The following ZNF207 variants were observed in gnomAD, a reference collection of about 807,000 sequenced individuals.
ZNF207 encodes zinc finger protein 207.
ZNF207 carries 24 observed loss-of-function variants against 60.2 expected under a neutral mutation model. That is an observed-to-expected ratio of 0.40 (90% CI 0.29 to 0.56). The LOEUF is 0.56. Ranked by LOEUF, ZNF207 falls within the 20% of genes least tolerant of loss-of-function variation. The probability of loss-of-function intolerance (pLI) is 0.49; values close to 1 mark genes in which losing one functional copy is unlikely to be tolerated. For missense variants in ZNF207, 452 were observed against 636.6 expected, an observed-to-expected ratio of 0.71 and a Z score of 3.12; for synonymous variants, 236 against 194.7, an observed-to-expected ratio of 1.21 and a Z score of -1.77.
intron 1 of ZNF207, chr17:32,351,488 A>G (rs2041506267): frequency 3.4e-6 from 5 of 1,474,238 alleles, no homozygotes; most frequent in Non-Finnish European, 4.5e-6. Context: ...ATGTTGAAAT[A>G]TTTATAACAA....
chr17:32,366,597 T>G, intron 8 of ZNF207, 68 bp from the exon 9 acceptor site: 1 of 1,337,328 alleles, frequency 7.5e-7, no homozygotes, highest in Non-Finnish European at 1.0e-6. Context: ...CTAAAAAGTC[T>G]ACCACATGGC....
chr17:32,366,588 T>C (rs1290067624), intron 8 of ZNF207, 77 bp from the exon 9 acceptor site: 17 of 1,240,802 alleles, frequency 1.4e-5, no homozygotes, highest in Non-Finnish European at 1.5e-5. Context: ...TGCAATCTAC[T>C]AAAAAGTCTA....
In ZNF207 at chr17:32,377,085, G is replaced by T. The variant is rs1295741158; in HGVS notation, c.*7326G>T. The T allele has an allele frequency of 6.6e-6, 1 of 152,008 alleles. No homozygotes were observed. The highest frequency in any genetic ancestry group is 1.5e-5 in the Non-Finnish European group (1 of 67,900). The allele number at this position is 152,008 out of a possible 1,614,324, so 9.4% of individuals were successfully genotyped here. A position where few individuals can be genotyped will look rare whatever the true frequency, so the allele number is the denominator to read the frequency against. ...GCCAACTTGGATAAAAATGAAGAAT[G>T]ATATTTTCCCAGTTTACTACACATG... On this transcript the variant is annotated 3_prime_UTR_variant, in exon 12 of 12. Transcript: ENST00000394670.
Position 32,366,633 on chromosome 17 carries a change from C to T in ZNF207, c.829-32C>T, listed in dbSNP as rs569257854. On this transcript the variant is annotated intron_variant, in intron 8 of 11. Transcript: ENST00000394670. ...TTATTTTGACCCATTTGTTTGGAGA[C>T]TTTTCATTGTTTCCTTTCTTTTATG... 74 of 1,571,588 alleles carry T rather than the reference C, an allele frequency of 4.7e-5. 1 individual carries two copies. The South Asian group carries it at 8.6e-4, about 18-fold the overall frequency.
In ZNF207 at chr17:32,357,351, A is replaced by ATTTTTTTT. The variant is rs1164011891; in HGVS notation, c.169-1144_169-1137dup. 5.1e-3 allele frequency among the ~76,000 whole-genome samples: 379 copies of ATTTTTTTT among 73,958 alleles called. 13 individuals carry two copies. The highest frequency in any genetic ancestry group is 0.021 in the African/African-American group (368 of 17,728). 48.5% of individuals were successfully genotyped at this position (73,958 alleles called of 152,430 possible). ...TATTATTATTATTATTATTATTATT[A>ATTTTTTTT]TTTTTTTTTTTTTTTGAGACAGAAT... On this transcript the variant is annotated intron_variant, in intron 2 of 11. Transcript: ENST00000394670.
intron 3 of ZNF207, among the ~76,000 whole-genome samples, chr17:32,359,939 T>A (rs1490374393): frequency 6.6e-6 from 1 of 152,076 alleles, no homozygotes; most frequent in African/African-American, 2.4e-5. Flanking sequence ...GAATGGTAGA[T>A]GATAGATTTA....
chr17:32,369,652 C>T lies in ZNF207; in HGVS notation c.1378C>T (p.Pro460Ser), dbSNP rs771432408. Reference sequence around the variant, plus strand: ...GCCAGGATACCTTCCTGGTGCTATGCCCCCGTATGGGCAGGGACCGCCAAT... The same window carrying T: ...GCCAGGATACCTTCCTGGTGCTATGTCCCCGTATGGGCAGGGACCGCCAAT... ...GMPGYLPGAMPPYGQGPPMVP... is the reference protein window; with the variant it reads ...GMPGYLPGAMSPYGQGPPMVP... The change falls in exon 12 of 12, where the codon CCC becomes TCC. Residue 460 changes from proline to serine, a missense_variant. Coordinates refer to ENST00000394670, the MANE Select transcript of ZNF207 (RefSeq NM_001098507.2). The T allele has an allele frequency of 2.5e-6, 4 of 1,591,504 alleles. No individual in the cohort carries two copies. The African/African-American group carries it at 4.0e-5, about 16-fold the overall frequency.
intron 3 of ZNF207, 113 bp downstream of exon 3, chr17:32,358,754 G>A: frequency 1.2e-6 from 1 of 803,872 alleles, no homozygotes; most frequent in South Asian, 5.9e-5. Flanking sequence ...TGTGATCTGG[G>A]CTCTCTGCAT....
chr17:32,357,099 T>C (rs549830105), intron 2 of ZNF207, among the ~76,000 whole-genome samples: 76 of 151,822 alleles, frequency 5.0e-4, no homozygotes, highest in African/African-American at 1.5e-3. Context: ...GGAGGGTGGC[T>C]TGAGCTTGGG....
intron 2 of ZNF207, among the ~76,000 whole-genome samples, chr17:32,357,351 A>ATTATTTT (rs1363194053): frequency 4.5e-4 from 33 of 73,994 alleles, no homozygotes; most frequent in African/African-American, 1.7e-3. Context: ...TATTATTATT[A>ATTATTTT]TTTTTTTTTT....
chr17:32,359,922 TA>T (rs1273745207), intron 3 of ZNF207, among the ~76,000 whole-genome samples: 1 of 152,080 alleles, frequency 6.6e-6, no homozygotes. Context: ...GATAGATAGA[TA>T]AAATTGAATG....
At chr17:32,357,455 T>C (rs1597767676) in intron 2 of ZNF207, among the ~76,000 whole-genome samples, 1 of 151,094 alleles carries the variant, frequency 6.6e-6, no homozygotes, top group East Asian at 2.0e-4. Context: ...TTCAAGCGAT[T>C]CTTCTGCCTC....
At chr17:32,364,361 C>CTTTTTTT (rs397858000) in intron 7 of ZNF207, among the ~76,000 whole-genome samples, 1 of 137,384 alleles carries the variant, frequency 7.3e-6, no homozygotes, top group Non-Finnish European at 1.5e-5. Flanking sequence ...GTTTTTTTTT[C>CTTTTTTT]TTTTTTTTTT....
In ZNF207 at chr17:32,354,390, A is replaced by C. The variant is rs538283762; in HGVS notation, c.168+2478A>C. Among the ~76,000 whole-genome samples, 28 of 152,174 alleles carry C rather than the reference A, an allele frequency of 1.8e-4. No individual in the cohort carries two copies. The South Asian group carries it at 5.4e-3, about 29-fold the overall frequency. On this transcript the variant is annotated intron_variant, in intron 2 of 11. Coordinates refer to ENST00000394670, the MANE Select transcript of ZNF207 (RefSeq NM_001098507.2). The stretch of plus-strand genomic sequence containing the variant: ...TTTTGCTCTGTCTTGTGCTCACTGC[A>C]GCCTCCGCCTCCTGGGCTTAAGTGA...
chr17:32,364,638 G>A (rs529071972), intron 7 of ZNF207, among the ~76,000 whole-genome samples: 1 of 152,132 alleles, frequency 6.6e-6, no homozygotes, highest in Non-Finnish European at 1.5e-5. Flanking sequence ...GATTATAGTC[G>A]TGAGCCACTG....
At chr17:32,366,271 A>G (rs1015677290) in intron 8 of ZNF207, among the ~76,000 whole-genome samples, 2 of 151,918 alleles carry the variant, frequency 1.3e-5, no homozygotes, top group Non-Finnish European at 2.9e-5. Flanking sequence ...CCTAGCTTTT[A>G]TGGTGGGTGG....
rs16967291 is a variant in ZNF207 at position 32,353,326 on chromosome 17, T to G, written c.168+1414T>G. Among the ~76,000 whole-genome samples, 7,528 of 152,248 alleles carry G rather than the reference T, an allele frequency of 0.049. 995 individuals are homozygous for G. The East Asian group carries it at 0.52, about 10-fold the overall frequency. ...TTGCTTAGTCCTAGAGCTGTCTGAA[T>G]TTTTGCTAAATTAGACCTTACAGAA... is the stretch of plus-strand genomic sequence containing the variant. On this transcript the variant is annotated intron_variant, in intron 2 of 11. Transcript: ENST00000394670.
chr17:32,366,769 G>A lies in ZNF207; in HGVS notation c.921+12G>A. The A allele has an allele frequency of 1.9e-6, 3 of 1,588,974 alleles. No homozygotes were observed. The highest frequency in any genetic ancestry group is 3.3e-4 in the Middle Eastern group (2 of 5,984). ...CTAGCACAGCACAAGTACGCAGGAA[G>A]TTGCAGTTTAAAATTGTTAAAATGG... is the stretch of plus-strand genomic sequence containing the variant. On this transcript the variant is annotated intron_variant, in intron 9 of 11. Transcript: ENST00000394670.
intron 2 of ZNF207, among the ~76,000 whole-genome samples, chr17:32,352,787 C>G (rs1435418863): frequency 2.0e-5 from 3 of 152,230 alleles, no homozygotes; most frequent in Non-Finnish European, 4.4e-5. Flanking sequence ...CCTCATATTC[C>G]TGGGTTCTAG....
Sources: allele counts gnomAD v4.1 joint callset (sites outside exome capture counted in the v4.1 genomes callset), GRCh38; gene constraint gnomAD v4.1.1; transcripts MANE v1.5; gene names NCBI Gene and HGNC (gene_info 2026-07-23, HGNC 2026-07-21).